The following EPB41L3 variants were observed in gnomAD, a reference collection of about 807,000 sequenced individuals.
The protein encoded by EPB41L3 is band 4.1-like protein 3.
EPB41L3 carries 57 observed loss-of-function variants against 127.1 expected under a neutral mutation model. That is an observed-to-expected ratio of 0.45 (90% confidence interval 0.36 to 0.56). The LOEUF is 0.56. Among genes scored for constraint, EPB41L3 ranks in the 20% least tolerant of loss-of-function variants. The pLI, the probability that EPB41L3 is intolerant of heterozygous loss-of-function variation, is 0.00. For missense variants in EPB41L3, 1,273 were observed against 1,372.2 expected (o/e 0.93, Z 1.14); for synonymous variants, 572 against 549.5 (o/e 1.04, Z -0.57).
In EPB41L3 at chr18:5,568,829, A is replaced by C. The variant is rs148489728; in HGVS notation, c.-306+43511T>G. Among the ~76,000 whole-genome samples the C allele has an allele frequency of 1.4e-3, 219 of 152,322 alleles. 1 individual carries two copies. Among genetic ancestry groups the C allele is most frequent in the African/African-American group, 5.0e-3 (209 of 41,572 alleles). On this transcript the variant is annotated intron_variant, in intron 3 of 21. Transcript: ENST00000545076. ...TTGTGTGCTAATCACTTCTCACCAGATACTGGAAGAGCCCTCACATGGCCC... is the reference window on the plus strand; with the variant it reads ...TTGTGTGCTAATCACTTCTCACCAGCTACTGGAAGAGCCCTCACATGGCCC...
chr18:5,471,570 G>A (rs540432836), intron 3 of EPB41L3, among the ~76,000 whole-genome samples: 1 of 152,322 alleles, frequency 6.6e-6, no homozygotes, highest in African/African-American at 2.4e-5. Flanking sequence ...AGTAAGTCAT[G>A]TATATCTACT....
intron 1 of EPB41L3, among the ~76,000 whole-genome samples, chr18:5,512,075 T>C (rs568152813): frequency 9.2e-5 from 14 of 152,268 alleles, no homozygotes; most frequent in Middle Eastern, 3.4e-3. Context: ...AGAGGACAAT[T>C]AGACTGGATC....
At chr18:5,495,230 T>C (rs951284674) in intron 1 of EPB41L3, among the ~76,000 whole-genome samples, 1 of 152,086 alleles carries the variant, frequency 6.6e-6, no homozygotes, top group Non-Finnish European at 1.5e-5. Context: ...GACTGACTTT[T>C]TAAGATTATG....
At chr18:5,519,676 C>T (rs957633206) in intron 1 of EPB41L3, among the ~76,000 whole-genome samples, 1 of 152,168 alleles carries the variant, frequency 6.6e-6, no homozygotes, top group Admixed American at 6.5e-5. Context: ...AGAGCCTCTG[C>T]CAGAGGGGAC....
At chr18:5,594,256 A>G (rs1230623698) in intron 3 of EPB41L3, among the ~76,000 whole-genome samples, 1 of 152,182 alleles carries the variant, frequency 6.6e-6, no homozygotes, top group Non-Finnish European at 1.5e-5. Flanking sequence ...TTCTTCTGCC[A>G]TGGCTTCAGC....
At chr18:5,593,882 C>T (rs566820066) in intron 3 of EPB41L3, among the ~76,000 whole-genome samples, 13 of 152,188 alleles carry the variant, frequency 8.5e-5, no homozygotes, top group Non-Finnish European at 1.8e-4. Flanking sequence ...CTGTTCCGCC[C>T]GGCTCACCGG....
intron 2 of EPB41L3, chr18:5,480,105 C>T (rs1458660473): frequency 2.0e-5 from 3 of 152,108 alleles, no homozygotes; most frequent in Non-Finnish European, 4.4e-5. Flanking sequence ...AGGGAAGATA[C>T]AATGTCGCTT....
At chr18:5,490,007 T>C (rs1271386968) in intron 1 of EPB41L3, among the ~76,000 whole-genome samples, 1 of 152,236 alleles carries the variant, frequency 6.6e-6, no homozygotes, top group African/African-American at 2.4e-5. Context: ...CAAGTCAAGA[T>C]GTTTCAGGAT....
chr18:5,394,763 C>T lies in EPB41L3; in HGVS notation c.3184G>A (p.Glu1062Lys). ...ALAQAIKEAK[E>K]QHPDMSVTKV... ...GTCACTGACATGTCAGGGTGCTGCT[C>T]TTTGGCCTCTTTAATTGCCTGAGCC... Residue 1062 changes from glutamate (E) to lysine (K), a missense_variant, in exon 22 of 23, where the codon GAG becomes AAG. By Grantham distance (56) the Glu-to-Lys change is moderately conservative. Coordinates refer to ENST00000341928, the MANE Select transcript of EPB41L3 (RefSeq NM_012307.5). 1 of 1,614,152 alleles carries T rather than the reference C, an allele frequency of 6.2e-7. No individual in the cohort carries two copies. The highest frequency in any genetic ancestry group is 8.5e-7 in the Non-Finnish European group (1 of 1,180,020).
At chr18:5,421,332 G>T in intron 11 of EPB41L3, among the ~76,000 whole-genome samples, 1 of 152,028 alleles carries the variant, frequency 6.6e-6, no homozygotes, top group Non-Finnish European at 1.5e-5. Context: ...ATTCTACAAA[G>T]TTCCTCAAAT....
chr18:5,611,100 C>T (rs918239907), intron 3 of EPB41L3, among the ~76,000 whole-genome samples: 3 of 152,214 alleles, frequency 2.0e-5, no homozygotes, highest in Non-Finnish European at 2.9e-5. Flanking sequence ...TCCTGGGCCT[C>T]TTTCTTACAG....
intron 16 of EPB41L3, chr18:5,401,148 C>T (rs1207031890): frequency 1.8e-6 from 1 of 570,192 alleles, no homozygotes; most frequent in Non-Finnish European, 3.1e-6. Flanking sequence ...ATCTATCTAT[C>T]ATCTCATATA....
chr18:5,486,519 C>T (rs1181408450), intron 2 of EPB41L3, among the ~76,000 whole-genome samples: 1 of 151,636 alleles, frequency 6.6e-6, no homozygotes, highest in African/African-American at 2.4e-5. Context: ...AACTACTGTA[C>T]CACAAAGGAA....
intron 14 of EPB41L3, 101 bp from the exon 15 acceptor site, chr18:5,407,837 G>T: frequency 9.5e-7 from 1 of 1,057,104 alleles, no homozygotes; most frequent in Non-Finnish European, 1.5e-6. Context: ...GTGGGCACGT[G>T]TACGCTCTTG....
intron 3 of EPB41L3, among the ~76,000 whole-genome samples, chr18:5,469,756 C>T (rs976926778): frequency 6.6e-6 from 1 of 151,432 alleles, no homozygotes; most frequent in Non-Finnish European, 1.5e-5. Context: ...ATCGTTCCTT[C>T]TGCTGTTGTA....
rs75568699 is a variant in EPB41L3 at position 5,502,755 on chromosome 18, G to C, written c.-11-13561C>G. On this transcript the variant is annotated intron_variant, in intron 1 of 22. Coordinates refer to ENST00000341928, the MANE Select transcript of EPB41L3 (RefSeq NM_012307.5). ...GGAAAGTGTCACAAGTTTGGGGCTA[G>C]ATGAGAGCTTCCTGGGCCCCCACTT... Among the ~76,000 whole-genome samples the C allele has an allele frequency of 2.1e-3, 313 of 152,334 alleles. 5 individuals carry two copies. The highest frequency in any genetic ancestry group is 0.012 in the Admixed American group (187 of 15,304).
chr18:5,433,906 T>G lies in EPB41L3; in HGVS notation c.821A>C (p.His274Pro). Residue 274 changes from histidine to proline, a missense_variant, in exon 7 of 23, where the codon CAC becomes CCC. By Grantham distance (77) the His-to-Pro change is moderately conservative (BLOSUM62 -2). Transcript: ENST00000341928. ...TGAACACCTTTCTGCCTCTAACCTG[T>G]GGCTCTTGTGCAGCTCGATCACTTT... ...EDKVIELHKS[H>P]RGMTPAEAEM... The G allele has an allele frequency of 6.2e-7, 1 of 1,614,220 alleles. No individual in the cohort carries two copies. Among genetic ancestry groups the G allele is most frequent in the Non-Finnish European group, 8.5e-7 (1 of 1,180,046 alleles).
At chr18:5,540,630 T>C (rs750949619) in intron 1 of EPB41L3, 16 of 806,042 alleles carry the variant, frequency 2.0e-5, no homozygotes, top group East Asian at 1.3e-4. Flanking sequence ...TTGAAAGAAA[T>C]AGATGCAGCG....
At chr18:5,562,311 TA>T (rs200579474) in intron 3 of EPB41L3, among the ~76,000 whole-genome samples, 1,689 of 151,426 alleles carry the variant, frequency 0.011, 29 homozygotes, top group African/African-American at 0.038. Flanking sequence ...AGTTTAAAGG[TA>T]AAAAAAAAGA....
Sources: allele counts gnomAD v4.1 joint callset (sites outside exome capture counted in the v4.1 genomes callset), GRCh38; gene constraint gnomAD v4.1.1; transcripts MANE v1.5; gene names NCBI Gene and HGNC (gene_info 2026-07-23, HGNC 2026-07-21).